TFAP2A: variants seen among roughly 807,000 people sequenced by gnomAD.
The protein encoded by TFAP2A is transcription factor AP-2 alpha.
In TFAP2A, 7 loss-of-function variants were observed where a neutral mutation model predicts 41.5. That is an observed-to-expected ratio of 0.17 (90% CI 0.10 to 0.32). The LOEUF is 0.32. Among genes scored for constraint, TFAP2A ranks in the 10% least tolerant of loss-of-function variants. The pLI, the probability that TFAP2A is intolerant of heterozygous loss-of-function variation, is 1.00. For synonymous variants in TFAP2A, 247 were observed against 242.8 expected (o/e 1.02, Z -0.16); for missense variants, 416 against 563.3 (o/e 0.74, Z 2.65).
intron 4 of TFAP2A, among the ~76,000 whole-genome samples, 194 bp downstream of exon 4, chr6:10,404,314 G>A (rs762548570): frequency 6.6e-6 from 1 of 152,206 alleles, no homozygotes; most frequent in Non-Finnish European, 1.5e-5. Flanking sequence ...GCGCAGGCGC[G>A]CGCCGCATCG....
chr6:10,399,468 T>G (rs1761921662), intron 6 of TFAP2A, among the ~76,000 whole-genome samples: 1 of 152,172 alleles, frequency 6.6e-6, no homozygotes, highest in Admixed American at 6.5e-5. Context: ...AAAGTTGAAA[T>G]TTCGCAGAGG....
upstream of TFAP2A, chr6:10,416,412 G>T (rs1050354129): frequency 2.9e-5 from 4 of 139,032 alleles, no homozygotes; most frequent in African/African-American, 8.8e-5. Context: ...TCGGTTTTGG[G>T]ATTTTTTTTT....
intron 1 of TFAP2A, 129 bp downstream of exon 1, chr6:10,414,812 C>G: frequency 8.0e-7 from 1 of 1,255,350 alleles, no homozygotes. Context: ...ATCCGAGGGA[C>G]GGGCGCTGCG....
intron 1 of TFAP2A, among the ~76,000 whole-genome samples, chr6:10,413,067 C>G (rs948502192): frequency 5.3e-5 from 8 of 152,170 alleles, no homozygotes; most frequent in Non-Finnish European, 1.2e-4. Context: ...CCAGATGACA[C>G]GACTAGCTCT....
At chr6:10,407,771 C>T (rs79532163) in intron 2 of TFAP2A, 1 of 152,184 alleles carries the variant, frequency 6.6e-6, no homozygotes, top group African/African-American at 2.4e-5. Flanking sequence ...TCCATTCTGT[C>T]TTGGATTTAT....
intron 4 of TFAP2A, among the ~76,000 whole-genome samples, 200 bp from the exon 5 acceptor site, chr6:10,402,810 C>T (rs1350713176): frequency 1.3e-5 from 2 of 152,196 alleles, no homozygotes; most frequent in Non-Finnish European, 2.9e-5. Context: ...AAAGCACCCC[C>T]TACGTTCAGT....
intron 1 of TFAP2A, chr6:10,411,952 C>G (rs958777853): frequency 8.9e-7 from 1 of 1,122,234 alleles, no homozygotes; most frequent in African/African-American, 1.7e-5. Context: ...GTGTCTCCCC[C>G]TCTTTTCTTA....
upstream of TFAP2A, among the ~76,000 whole-genome samples, chr6:10,417,443 T>C (rs1758288165): frequency 6.6e-6 from 1 of 152,190 alleles, no homozygotes; most frequent in Non-Finnish European, 1.5e-5. Flanking sequence ...CAGGGTCGCC[T>C]CTGGAGCCAG....
At chr6:10,402,878 AG>A (rs1174780375) in intron 4 of TFAP2A, among the ~76,000 whole-genome samples, 1 of 152,222 alleles carries the variant, frequency 6.6e-6, no homozygotes, top group Non-Finnish European at 1.5e-5. Context: ...TCTCTAAAGA[AG>A]AACCACAAAC....
chr6:10,404,579 C>G lies in TFAP2A; in HGVS notation c.699G>C (p.Val233=). 6.2e-7 allele frequency: 1 copy of G among 1,614,172 alleles called. No individual in the cohort carries two copies. Among genetic ancestry groups the G allele is most frequent in the South Asian group, 1.1e-5 (1 of 91,084 alleles). The part of the protein sequence containing the change: ...LSSTSKYKVT[V]AEVQRRLSPP... ...GTGAGAGCCGCCGCTGCACTTCCGC[C>G]ACCGTGACCTTGTACTTCGAGGTGG... The change falls in exon 4 of 7, where the codon GTG becomes GTC. Residue 233 remains valine, a synonymous_variant. Coordinates refer to ENST00000379613, the MANE Select transcript of TFAP2A (RefSeq NM_001372066.1).
At chr6:10,407,254 CAATAGAA>C (rs1193741647) in intron 2 of TFAP2A, 2 of 252,088 alleles carry the variant, frequency 7.9e-6, no homozygotes, top group African/African-American at 2.3e-5. Context: ...CAGGGAAACA[CAATAGAA>C]ATGACAGGGG....
At chr6:10,400,236 A>C (rs986506446) in intron 6 of TFAP2A, among the ~76,000 whole-genome samples, 3 of 152,044 alleles carry the variant, frequency 2.0e-5, no homozygotes, top group Non-Finnish European at 4.4e-5. Flanking sequence ...AAAATGAGTA[A>C]ATGGGACAGA....
At chr6:10,416,076 C>T (rs1461452829), upstream of TFAP2A, 3 of 152,190 alleles carry the variant, frequency 2.0e-5, no homozygotes, top group Non-Finnish European at 4.4e-5. Flanking sequence ...ACTGCACACC[C>T]GCTTCTGAAG....
At chr6:10,404,465 C>T in intron 4 of TFAP2A, 43 bp downstream of exon 4, 1 of 1,435,474 alleles carries the variant, frequency 7.0e-7, no homozygotes, top group Non-Finnish European at 9.2e-7. Context: ...CAGTGGTTCC[C>T]CCGGCCGCGG....
At chr6:10,400,682 C>T in intron 5 of TFAP2A, 93 bp from the exon 6 acceptor site, 2 of 1,424,668 alleles carry the variant, frequency 1.4e-6, no homozygotes, top group South Asian at 1.1e-5. Context: ...ATTCCCTTCA[C>T]CCCAGATGTT....
chr6:10,403,387 G>C (rs1167030084), intron 4 of TFAP2A, among the ~76,000 whole-genome samples: 1 of 152,156 alleles, frequency 6.6e-6, no homozygotes, highest in Non-Finnish European at 1.5e-5. Context: ...AAAAGCAGAG[G>C]GCAAGGAAAA....
At chr6:10,404,169 T>G (rs970282890) in intron 4 of TFAP2A, among the ~76,000 whole-genome samples, 1 of 152,212 alleles carries the variant, frequency 6.6e-6, no homozygotes, top group Non-Finnish European at 1.5e-5. Context: ...GCCCCGCGGC[T>G]GCAGTGGCCG....
intron 1 of TFAP2A, among the ~76,000 whole-genome samples, chr6:10,413,672 T>A (rs1396092178): frequency 6.6e-6 from 1 of 152,112 alleles, no homozygotes; most frequent in Non-Finnish European, 1.5e-5. Flanking sequence ...TGTCACCCCG[T>A]CCCCATCTAC....
At chr6:10,402,410 A>G in intron 5 of TFAP2A, 82 bp downstream of exon 5, 1 of 1,047,080 alleles carries the variant, frequency 9.6e-7, no homozygotes, top group Non-Finnish European at 1.5e-6. Context: ...CTGACATAAA[A>G]TACGACCAAA....
Sources: allele counts gnomAD v4.1 joint callset (sites outside exome capture counted in the v4.1 genomes callset), GRCh38; gene constraint gnomAD v4.1.1; transcripts MANE v1.5; gene names NCBI Gene and HGNC (gene_info 2026-07-23, HGNC 2026-07-21).